Variants in NXPE2 observed in about 807,000 individuals in gnomAD.
The protein encoded by NXPE2 is neurexophilin and PC-esterase domain family member 2.
A neutral mutation model predicts 34.4 loss-of-function variants in NXPE2; 34 were observed. The ratio of observed to expected loss-of-function variants is 0.99; its 90% confidence interval spans 0.75 to 1.31. NXPE2 has a LOEUF of 1.31. NXPE2 is among the 40% of genes most tolerant of loss of function. The pLI, the probability that NXPE2 is intolerant of heterozygous loss-of-function variation, is 0.00. For missense variants in NXPE2, 649 were observed against 672.5 expected (o/e 0.97, Z 0.39); for synonymous variants, 235 against 231.3 (o/e 1.02, Z -0.15).
chr11:114,802,253 C>T, the NXPE2 span, among the ~76,000 whole-genome samples: 15 of 152,220 alleles, frequency 9.9e-5, no homozygotes, highest in African/African-American at 3.4e-4. Flanking sequence ...TTCTTTGCCA[C>T]TCTGGGTTCT....
At chr11:114,645,967 T>A in the NXPE2 span, among the ~76,000 whole-genome samples, 1 of 152,274 alleles carries the variant, frequency 6.6e-6, no homozygotes, top group South Asian at 2.1e-4. Context: ...TAAATATGTA[T>A]ATAGCCTTTG....
chr11:114,776,349 G>A, the NXPE2 span, among the ~76,000 whole-genome samples: 1 of 152,268 alleles, frequency 6.6e-6, no homozygotes, highest in African/African-American at 2.4e-5. Context: ...TTTCCACCGA[G>A]CTCTCCAGAG....
chr11:114,719,936 A>G, the NXPE2 span, among the ~76,000 whole-genome samples: 25 of 152,142 alleles, frequency 1.6e-4, no homozygotes, highest in Non-Finnish European at 2.8e-4. Flanking sequence ...TTTCAAACCC[A>G]GCTCAAGTGC....
chr11:114,610,259 A>T, the NXPE2 span, among the ~76,000 whole-genome samples: 1 of 151,864 alleles, frequency 6.6e-6, no homozygotes, highest in Admixed American at 6.6e-5. Flanking sequence ...TACCCTCTGG[A>T]TAATAGGTGT....
chr11:114,518,477 T>C, the NXPE2 span: 2 of 152,228 alleles, frequency 1.3e-5, no homozygotes, highest in East Asian at 3.8e-4. Context: ...AAAGGGAATG[T>C]TTTTACTGTA....
chr11:114,775,581 T>C, the NXPE2 span, among the ~76,000 whole-genome samples: 1 of 152,010 alleles, frequency 6.6e-6, no homozygotes, highest in Non-Finnish European at 1.5e-5. Flanking sequence ...ATGAGAAAGG[T>C]GAATAGCGCC....
chr11:114,581,789 T>A, the NXPE2 span: 1 of 1,602,544 alleles, frequency 6.2e-7, no homozygotes, highest in Non-Finnish European at 8.5e-7. Flanking sequence ...CATTTGACCT[T>A]AAAGACACAA....
the NXPE2 span, among the ~76,000 whole-genome samples, chr11:114,758,623 C>A: frequency 6.6e-6 from 1 of 152,116 alleles, no homozygotes; most frequent in Non-Finnish European, 1.5e-5. Flanking sequence ...CTTTGGAGAT[C>A]TGGGCTAGAA....
At chr11:114,706,042 G>A in intron 5 of NXPE2, 46 bp downstream of exon 5, 1 of 811,164 alleles carries the variant, frequency 1.2e-6, no homozygotes, top group Non-Finnish European at 1.7e-6. Context: ...ACTTTTGAGG[G>A]TTTTGAAATA....
intron 2 of NXPE2, among the ~76,000 whole-genome samples, chr11:114,692,496 C>T (rs1951172000): frequency 6.6e-6 from 1 of 152,148 alleles, no homozygotes; most frequent in Non-Finnish European, 1.5e-5. Context: ...TGTGTGGGTT[C>T]CCTTTCTGGA....
At chr11:114,608,778 C>T in the NXPE2 span, among the ~76,000 whole-genome samples, 3 of 151,578 alleles carry the variant, frequency 2.0e-5, no homozygotes, top group African/African-American at 7.3e-5. Context: ...CATGGATAAC[C>T]ACGGTTACCC....
the NXPE2 span, among the ~76,000 whole-genome samples, chr11:114,610,343 A>G: frequency 6.6e-6 from 1 of 151,366 alleles, no homozygotes; most frequent in Non-Finnish European, 1.5e-5. Context: ...GTATGGCCTC[A>G]TGAGTAACCA....
chr11:114,663,609 CT>C, the NXPE2 span, among the ~76,000 whole-genome samples: 1 of 98,314 alleles, frequency 1.0e-5, no homozygotes, highest in Admixed American at 1.1e-4. Context: ...ATCTATCTAT[CT>C]ATCTATCTAT....
chr11:114,777,331 T>A, the NXPE2 span, among the ~76,000 whole-genome samples: 1 of 152,236 alleles, frequency 6.6e-6, no homozygotes, highest in Admixed American at 6.5e-5. Context: ...CCTTGTTACA[T>A]GATTTGGGGA....
the NXPE2 span, among the ~76,000 whole-genome samples, chr11:114,543,709 A>G: frequency 1.3e-5 from 2 of 152,272 alleles, no homozygotes; most frequent in East Asian, 3.9e-4. Flanking sequence ...CTCCTATTCA[A>G]CAATGTAGTG....
chr11:114,489,464 T>C, the NXPE2 span, among the ~76,000 whole-genome samples: 1 of 152,144 alleles, frequency 6.6e-6, no homozygotes, highest in South Asian at 2.1e-4. Context: ...TTCAATAAAA[T>C]ACTGGCAAAC....
chr11:114,577,257 G>T, the NXPE2 span, among the ~76,000 whole-genome samples: 1 of 151,030 alleles, frequency 6.6e-6, no homozygotes, highest in Non-Finnish European at 1.5e-5. Context: ...CAGCAACCTG[G>T]ATGGAATGGG....
At chr11:114,651,290 C>T in the NXPE2 span, among the ~76,000 whole-genome samples, 1 of 151,696 alleles carries the variant, frequency 6.6e-6, no homozygotes, top group African/African-American at 2.4e-5. Flanking sequence ...TTCGTGGTCT[C>T]GCTGACTTTA....
upstream of NXPE2, among the ~76,000 whole-genome samples, chr11:114,677,093 A>G (rs533756105): frequency 6.6e-6 from 1 of 152,136 alleles, no homozygotes; most frequent in East Asian, 1.9e-4. Flanking sequence ...ATAGAGTAGA[A>G]TCGTGGTTGC....
Sources: allele counts gnomAD v4.1 joint callset (sites outside exome capture counted in the v4.1 genomes callset), GRCh38; gene constraint gnomAD v4.1.1; transcripts MANE v1.5; gene names NCBI Gene and HGNC (gene_info 2026-07-23, HGNC 2026-07-21).